Variants in REPS1 observed in about 807,000 individuals in gnomAD.
REPS1 encodes the protein RALBP1 associated Eps domain containing 1.
A neutral mutation model predicts 100.9 loss-of-function variants in REPS1; 39 were observed. The observed-to-expected ratio is 0.39, with a 90% CI of 0.30 to 0.50. REPS1 has a LOEUF of 0.50. REPS1 is among the 20% of genes least tolerant of loss of function. The pLI, the probability that REPS1 is intolerant of heterozygous loss-of-function variation, is 0.86. For missense variants in REPS1, 821 were observed against 968.5 expected, an observed-to-expected ratio of 0.85 and a Z score of 2.02; for synonymous variants, 324 against 340.3, an observed-to-expected ratio of 0.95 and a Z score of 0.53.
rs996110643 is a variant in REPS1 at position 138,904,584 on chromosome 6, T to C, written c.*480A>G. 3 of 152,376 alleles carry C rather than the reference T, an allele frequency of 2.0e-5. No individual in the cohort carries two copies. The highest frequency in any genetic ancestry group is 2.0e-4 in the Admixed American group (3 of 15,282). 9.4% of individuals were successfully genotyped at this position (152,376 alleles called of 1,614,324 possible). A position where few individuals can be genotyped will look rare whatever the true frequency, so the allele number is the denominator to read the frequency against. ...ATGTAGACGGCTGCAGAGAGTAAAT[T>C]AGCTTATGGTGAAAACCACCTTATC... On this transcript the variant is annotated 3_prime_UTR_variant, in exon 20 of 20. Coordinates refer to ENST00000450536, the MANE Select transcript of REPS1 (RefSeq NM_001286611.2).
intron 1 of REPS1, among the ~76,000 whole-genome samples, chr6:138,948,987 A>C (rs1028621956): frequency 6.6e-6 from 1 of 152,348 alleles, no homozygotes; most frequent in Non-Finnish European, 1.5e-5. Flanking sequence ...CCTTCTGAAG[A>C]AATGTAAAAG....
chr6:138,987,245 G>A (rs976422812), intron 1 of REPS1, among the ~76,000 whole-genome samples: 6 of 152,238 alleles, frequency 3.9e-5, no homozygotes, highest in African/African-American at 1.2e-4. Flanking sequence ...CTTCAAGTGA[G>A]ATAGCTCTTG....
intron 1 of REPS1, among the ~76,000 whole-genome samples, chr6:138,956,658 T>C (rs953227): frequency 0.088 from 13,346 of 152,084 alleles, 1,230 homozygotes; most frequent in African/African-American, 0.23. Context: ...AGCTATTCCC[T>C]GCCCCCTCAA....
intron 10 of REPS1, among the ~76,000 whole-genome samples, chr6:138,924,733 AAAAAG>A (rs1279796945): frequency 3.3e-5 from 5 of 152,236 alleles, no homozygotes; most frequent in African/African-American, 1.2e-4. Flanking sequence ...CTTTAAACTT[AAAAAG>A]AAAACAAAGA....
chr6:138,979,542 C>A (rs932410949), intron 1 of REPS1, among the ~76,000 whole-genome samples: 2 of 152,204 alleles, frequency 1.3e-5, no homozygotes, highest in African/African-American at 2.4e-5. Context: ...AACTGGCTCA[C>A]TGAAGTTACT....
rs1780091622 is a variant in REPS1, at chr6:138,912,756, A to G, written c.1971+9T>C. ...CTGCAGAAAATTAGCCAAGCCCTCG[A>G]AAACTGACCGGCAGGACTTCTGGAT... On this transcript the variant is annotated intron_variant, in intron 16 of 19. Coordinates refer to ENST00000450536, the MANE Select transcript of REPS1 (RefSeq NM_001286611.2). 7 of 1,614,032 alleles carry G rather than the reference A, an allele frequency of 4.3e-6. No homozygotes were observed. Among genetic ancestry groups the G allele is most frequent in the Non-Finnish European group, 5.9e-6 (7 of 1,180,002 alleles).
At chr6:138,934,750 A>G (rs1274072165) in intron 8 of REPS1, among the ~76,000 whole-genome samples, 2 of 152,188 alleles carry the variant, frequency 1.3e-5, no homozygotes, top group East Asian at 3.8e-4. Context: ...TTTAAAACTT[A>G]TTTTGCTTTC....
chr6:138,958,302 A>G (rs890253015), intron 1 of REPS1, among the ~76,000 whole-genome samples: 1 of 152,214 alleles, frequency 6.6e-6, no homozygotes, highest in Non-Finnish European at 1.5e-5. Context: ...AGTAGAGGAA[A>G]TGGTTGCTTT....
chr6:138,972,941 G>T (rs954052662), intron 1 of REPS1, among the ~76,000 whole-genome samples: 2 of 152,158 alleles, frequency 1.3e-5, no homozygotes, highest in Non-Finnish European at 2.9e-5. Flanking sequence ...ACCCATCAAT[G>T]TACTGATGAG....
rs112229803 is a variant in REPS1, at chr6:138,963,820, T to C, written c.154-15907A>G. Among the ~76,000 whole-genome samples the C allele has an allele frequency of 8.1e-3, 1,238 of 152,276 alleles. 9 individuals carry two copies. Among genetic ancestry groups the C allele is most frequent in the Non-Finnish European group, 0.014 (956 of 68,010 alleles). On this transcript the variant is annotated intron_variant, in intron 1 of 19. Coordinates refer to ENST00000450536, the MANE Select transcript of REPS1 (RefSeq NM_001286611.2). Reference sequence around the variant, plus strand: ...ACTAATCTCTAATATTTTCTTTCCTTACAAAAACAACTTCATTTCAATACT... The same window carrying C: ...ACTAATCTCTAATATTTTCTTTCCTCACAAAAACAACTTCATTTCAATACT...
At chr6:138,952,982 C>A (rs569694161) in intron 1 of REPS1, among the ~76,000 whole-genome samples, 24 of 152,026 alleles carry the variant, frequency 1.6e-4, no homozygotes, top group Admixed American at 3.9e-4. Flanking sequence ...GGATTACAGG[C>A]ACGTGCCACC....
intron 8 of REPS1, among the ~76,000 whole-genome samples, chr6:138,931,157 A>G (rs1443400709): frequency 2.0e-5 from 3 of 152,200 alleles, no homozygotes; most frequent in Non-Finnish European, 4.4e-5. Flanking sequence ...GAGTTTCTCC[A>G]TCAGAAAGAC....
rs918457220 is a variant in REPS1, at chr6:138,987,988, G to A, written c.-306C>T. On this transcript the variant is annotated 5_prime_UTR_variant, in exon 1 of 20. Coordinates refer to ENST00000450536, the MANE Select transcript of REPS1 (RefSeq NM_001286611.2). ...CGGGGAGGGTGCAGAGAAAGAGGCG[G>A]GGGCCGCGGAGGCGCGAGGCACTGG... is the stretch of plus-strand genomic sequence containing the variant. 1 of 393,120 alleles carries A rather than the reference G, an allele frequency of 2.5e-6. No individual in the cohort carries two copies. Among genetic ancestry groups the A allele is most frequent in the South Asian group, 1.3e-4 (1 of 7,842 alleles). The allele number at this position is 393,120 out of a possible 1,614,324, so 24.4% of individuals were successfully genotyped here. A position where few individuals can be genotyped will look rare whatever the true frequency, so the allele number is the denominator to read the frequency against.
chr6:138,913,930 G>A (rs1004826093), intron 15 of REPS1, among the ~76,000 whole-genome samples: 1 of 152,128 alleles, frequency 6.6e-6, no homozygotes, highest in Non-Finnish European at 1.5e-5. Context: ...CTTAACTTTA[G>A]CCACTAAGGC....
intron 1 of REPS1, among the ~76,000 whole-genome samples, chr6:138,975,912 G>A (rs1364480962): frequency 6.6e-6 from 1 of 152,150 alleles, no homozygotes; most frequent in African/African-American, 2.4e-5. Context: ...GAGAGGTTAA[G>A]TACTTACAAA....
Position 138,920,196 on chromosome 6 carries a change from G to A in REPS1, c.1528+19C>T. 1 of 1,239,666 alleles carries A rather than the reference G, an allele frequency of 8.1e-7. No homozygotes were observed. Among genetic ancestry groups the A allele is most frequent in the African/African-American group, 1.5e-5 (1 of 67,488 alleles). 76.8% of individuals were successfully genotyped at this position (1,239,666 alleles called of 1,614,324 possible). A position where few individuals can be genotyped will look rare whatever the true frequency, so the allele number is the denominator to read the frequency against. On this transcript the variant is annotated intron_variant, in intron 12 of 19. Transcript: ENST00000450536. ...CAGACTTAGTAAACTTCAAATGGAA[G>A]ATGTAATACTTCACTTACCTACAGT... is the stretch of plus-strand genomic sequence containing the variant.
intron 12 of REPS1, among the ~76,000 whole-genome samples, chr6:138,917,946 G>A (rs1228324643): frequency 6.6e-6 from 1 of 152,092 alleles, no homozygotes; most frequent in Non-Finnish European, 1.5e-5. Flanking sequence ...GTATCTGTAG[G>A]TTCCACAGCT....
intron 15 of REPS1, among the ~76,000 whole-genome samples, 159 bp downstream of exon 15, chr6:138,914,538 G>C (rs1289708194): frequency 2.2e-4 from 33 of 152,166 alleles, no homozygotes; most frequent in Non-Finnish European, 1.2e-4. Context: ...CTTGAAATGT[G>C]CATCTTTCAA....
At chr6:138,916,218 CTTTTTTTTTTTTTTTT>C (rs10582137) in intron 13 of REPS1, 3 of 207,438 alleles carry the variant, frequency 1.4e-5, no homozygotes, top group African/African-American at 6.4e-5. Context: ...TTCTTTTTTT[CTTTTTTTTTTTTTTTT>C]TTTTTTGAGA....
Sources: gnomAD v4.1 joint callset for allele counts (sites outside exome capture counted in the v4.1 genomes callset) on GRCh38, gnomAD v4.1.1 for gene constraint, MANE v1.5 for transcripts, NCBI Gene and HGNC (gene_info 2026-07-23, HGNC 2026-07-21) for gene names.